Variants in RUNX1T1 observed in about 807,000 individuals in gnomAD.
The protein encoded by RUNX1T1 is protein CBFA2T1.
A neutral mutation model predicts 62.8 loss-of-function variants in RUNX1T1; 4 were observed. The observed-to-expected ratio is 0.06, with a 90% CI of 0.03 to 0.15. The LOEUF (loss-of-function observed/expected upper bound fraction) is 0.15, where lower values mean the gene tolerates loss of function less well. Ranked by LOEUF, RUNX1T1 falls within the 10% of genes least tolerant of loss-of-function variation. RUNX1T1 has a pLI of 1.00. For synonymous variants in RUNX1T1, 291 were observed against 286.0 expected, an observed-to-expected ratio of 1.02 and a Z score of -0.18; for missense variants, 508 against 754.3, an observed-to-expected ratio of 0.67 and a Z score of 3.82.
At chr8:92,035,917 T>A (rs1256540575) in intron 1 of RUNX1T1, among the ~76,000 whole-genome samples, 1 of 152,182 alleles carries the variant, frequency 6.6e-6, no homozygotes, top group Non-Finnish European at 1.5e-5. Context: ...AGTTACAATT[T>A]GAATGACACA....
chr8:92,050,489 A>G (rs1490605435), intron 1 of RUNX1T1, among the ~76,000 whole-genome samples: 2 of 152,130 alleles, frequency 1.3e-5, no homozygotes, highest in Non-Finnish European at 2.9e-5. Context: ...CTAACAAATT[A>G]TCTCATTTAA....
chr8:92,094,949 C>T (rs571219951), intron 1 of RUNX1T1: 4 of 1,027,482 alleles, frequency 3.9e-6, no homozygotes, highest in African/African-American at 1.6e-5. Context: ...TATTGTTCCC[C>T]CTTTATCGAG....
At chr8:92,073,378 C>A (rs1283090620) in intron 2 of RUNX1T1, among the ~76,000 whole-genome samples, 2 of 152,172 alleles carry the variant, frequency 1.3e-5, no homozygotes, top group Non-Finnish European at 2.9e-5. Flanking sequence ...CTCCTGCCCC[C>A]CAGCCTCTGC....
chr8:92,007,912 G>A (rs1313960307), intron 4 of RUNX1T1, among the ~76,000 whole-genome samples: 2 of 145,514 alleles, frequency 1.4e-5, no homozygotes, highest in East Asian at 2.0e-4. Flanking sequence ...AGGCTCCAAT[G>A]AGCCATGACC....
chr8:92,014,779 C>T lies in RUNX1T1; in HGVS notation c.187G>A (p.Ala63Thr), dbSNP rs150073605. ...CTGAAGCCATTGGGTGGTGAGGGGG[C>T]GCCATTCAAGGCTGTAGGAGAATGG... Residue 63 changes from alanine to threonine, a missense_variant, in exon 3 of 11, where the codon GCC becomes ACC. Ala to Thr is a moderately conservative substitution (Grantham distance 58). Coordinates refer to ENST00000396218, the Ensembl canonical transcript of RUNX1T1. The T allele has an allele frequency of 4.0e-5, 65 of 1,613,336 alleles. No homozygotes were observed. In the African/African-American group the frequency reaches 6.1e-4, roughly 15 times the overall value.
intron 5 of RUNX1T1, among the ~76,000 whole-genome samples, chr8:91,999,380 T>C (rs182534455): frequency 6.6e-6 from 1 of 152,294 alleles, no homozygotes; most frequent in East Asian, 1.9e-4. Flanking sequence ...AGAGCCTCAG[T>C]GTTTCTGCCT....
At chr8:92,081,506 G>GA (rs905341800) in intron 1 of RUNX1T1, among the ~76,000 whole-genome samples, 52 of 128,284 alleles carry the variant, frequency 4.1e-4, no homozygotes, top group Middle Eastern at 4.1e-3. Flanking sequence ...TTGGTGTGAT[G>GA]AAAAAAAAAA....
chr8:92,011,159 AATT>A, intron 3 of RUNX1T1, 68 bp from the exon 5 acceptor site: 1 of 850,354 alleles, frequency 1.2e-6, no homozygotes, highest in East Asian at 2.5e-5. Context: ...CAAACAAATT[AATT>A]ATTAAGACTG....
downstream of RUNX1T1, chr8:91,957,973 A>T (rs1360228839): frequency 4.6e-6 from 1 of 219,738 alleles, no homozygotes; most frequent in Non-Finnish European, 9.1e-6. Flanking sequence ...ATATGAAAAT[A>T]CAGGGAAGAA....
At chr8:91,977,126 C>T in intron 8 of RUNX1T1, 1 of 195,840 alleles carries the variant, frequency 5.1e-6, no homozygotes, top group Non-Finnish European at 1.1e-5. Context: ...GCTTTAAATA[C>T]ATTTGAATGC....
chr8:91,993,663 A>C (rs1586876540), intron 5 of RUNX1T1, among the ~76,000 whole-genome samples: 1 of 152,146 alleles, frequency 6.6e-6, no homozygotes, highest in Non-Finnish European at 1.5e-5. Flanking sequence ...CAGAAGCTGT[A>C]AACTATTACA....
At chr8:91,994,759 C>A (rs1818359474) in intron 5 of RUNX1T1, 4 of 323,656 alleles carry the variant, frequency 1.2e-5, no homozygotes, top group Middle Eastern at 3.7e-4. Flanking sequence ...GAACCCACTT[C>A]TTATTATTTG....
At chr8:92,088,826 T>C (rs928430052) in intron 1 of RUNX1T1, among the ~76,000 whole-genome samples, 2 of 152,212 alleles carry the variant, frequency 1.3e-5, no homozygotes, top group East Asian at 1.9e-4. Flanking sequence ...TGAGCTTCTT[T>C]AGACAAATTA....
chr8:91,986,274 C>T (rs1185661863), exon 8 of RUNX1T1: 8 of 1,613,936 alleles, frequency 5.0e-6, no homozygotes, highest in East Asian at 2.2e-5. Context: ...CGCCTTAGTA[C>T]GGTGAGAGAT....
chr8:91,981,553 T>C (rs1306400424), intron 8 of RUNX1T1, among the ~76,000 whole-genome samples: 1 of 151,702 alleles, frequency 6.6e-6, no homozygotes, highest in Non-Finnish European at 1.5e-5. Flanking sequence ...TAGCTGGGAC[T>C]ACAGGGGTGC....
At chr8:92,063,254 T>C (rs946271988), upstream of RUNX1T1, among the ~76,000 whole-genome samples, 1 of 152,232 alleles carries the variant, frequency 6.6e-6, no homozygotes, top group Non-Finnish European at 1.5e-5. Context: ...CTCAGTAGTA[T>C]GTGTAAAATA....
At chr8:92,013,775 T>C (rs1273930071) in intron 3 of RUNX1T1, among the ~76,000 whole-genome samples, 2 of 152,246 alleles carry the variant, frequency 1.3e-5, no homozygotes, top group Non-Finnish European at 2.9e-5. Context: ...AAACCAACAG[T>C]TCTCTTCTCA....
intron 1 of RUNX1T1, among the ~76,000 whole-genome samples, chr8:92,060,553 A>ATATATATGTGTGTGTG: frequency 1.3e-4 from 8 of 63,938 alleles, no homozygotes; most frequent in African/African-American, 4.6e-4. Flanking sequence ...ATATATATAT[A>ATATATATGTGTGTGTG]TGTGTGTGTG....
intron 1 of RUNX1T1, among the ~76,000 whole-genome samples, chr8:92,028,646 T>TA (rs911601751): frequency 5.9e-5 from 9 of 152,220 alleles, no homozygotes; most frequent in African/African-American, 2.2e-4. Context: ...GGTCCTTGTT[T>TA]AACAAAGAAA....
Sources: gnomAD v4.1 joint callset for allele counts (sites outside exome capture counted in the v4.1 genomes callset) on GRCh38, gnomAD v4.1.1 for gene constraint, MANE v1.5 for transcripts, NCBI Gene and HGNC (gene_info 2026-07-23, HGNC 2026-07-21) for gene names.